Variants in CPQ observed in about 807,000 individuals in gnomAD.
CPQ encodes the protein carboxypeptidase Q.
In CPQ, 37 loss-of-function variants were observed where a neutral mutation model predicts 45.7. That is an observed-to-expected ratio of 0.81 (90% CI 0.62 to 1.07). The LOEUF is 1.07. CPQ is among the 50% of genes least tolerant of loss of function. CPQ has a pLI of 0.00. For missense variants in CPQ, 537 were observed against 572.9 expected, an observed-to-expected ratio of 0.94 and a Z score of 0.64; for synonymous variants, 186 against 205.8, an observed-to-expected ratio of 0.90 and a Z score of 0.82.
intron 2 of CPQ, among the ~76,000 whole-genome samples, chr8:96,833,959 G>A (rs954087848): frequency 1.3e-5 from 2 of 152,126 alleles, no homozygotes; most frequent in Admixed American, 1.3e-4. Context: ...TTAATATTAA[G>A]GAAATATGGA....
chr8:97,007,406 C>T (rs1809402104), intron 5 of CPQ, among the ~76,000 whole-genome samples: 2 of 152,166 alleles, frequency 1.3e-5, no homozygotes. Flanking sequence ...ATGCAAATGC[C>T]ACTAAGAACT....
rs1484579631 is a variant in CPQ, at chr8:96,766,162, AATCAGATGAGATATAGAAAAG to A, written c.-34-18701_-34-18681del. Among the ~76,000 whole-genome samples the A allele has an allele frequency of 1.6e-4, 24 of 152,300 alleles. No individual in the cohort carries two copies. The East Asian group carries it at 4.6e-3, about 29-fold the overall frequency. ...ATTTACTGGTTGCTTTTGAGGATTG[AATCAGATGAGATATAGAAAAG>A]CCCTTAGCCCAGTGCTTGCTAGGGG... On this transcript the variant is annotated intron_variant, in intron 1 of 7. Coordinates refer to ENST00000220763, the MANE Select transcript of CPQ (RefSeq NM_016134.4).
At chr8:96,981,399 T>G (rs1043526900) in intron 5 of CPQ, among the ~76,000 whole-genome samples, 2 of 152,232 alleles carry the variant, frequency 1.3e-5, no homozygotes, top group African/African-American at 4.8e-5. Context: ...GCTATATTTC[T>G]GTTCTCATCG....
intron 1 of CPQ, among the ~76,000 whole-genome samples, chr8:96,646,282 C>T (rs1229191413): frequency 1.3e-5 from 2 of 152,002 alleles, no homozygotes; most frequent in Non-Finnish European, 2.9e-5. Context: ...TTGCTTAAAA[C>T]AAAATATGCC....
intron 4 of CPQ, 83 bp downstream of exon 4, chr8:96,880,088 C>T (rs1312279117): frequency 5.1e-5 from 60 of 1,169,004 alleles, no homozygotes; most frequent in Middle Eastern, 2.0e-4. Flanking sequence ...AAAGAGAGAA[C>T]GTGAAACCAC....
chr8:97,072,022 T>A (rs1360073115), intron 7 of CPQ, among the ~76,000 whole-genome samples: 2 of 152,048 alleles, frequency 1.3e-5, no homozygotes, highest in African/African-American at 4.8e-5. Context: ...TTTTGAAGAG[T>A]GAGGAAATGT....
chr8:96,873,933 G>T (rs993913535), intron 3 of CPQ, among the ~76,000 whole-genome samples: 3 of 151,828 alleles, frequency 2.0e-5, no homozygotes, highest in Non-Finnish European at 4.4e-5. Context: ...AGTCAGAACT[G>T]CCTGACATGA....
intron 5 of CPQ, among the ~76,000 whole-genome samples, chr8:97,001,323 A>AT (rs1443372424): frequency 1.3e-5 from 2 of 151,272 alleles, no homozygotes; most frequent in African/African-American, 4.8e-5. Flanking sequence ...GTGAAATCTG[A>AT]TTTTCAAGGG....
At chr8:96,672,837 T>A (rs1157608955) in intron 1 of CPQ, among the ~76,000 whole-genome samples, 1 of 152,130 alleles carries the variant, frequency 6.6e-6, no homozygotes, top group Non-Finnish European at 1.5e-5. Flanking sequence ...GTTGTTTCTT[T>A]AAAATTTTTT....
At chr8:97,011,700 T>C (rs1009116195) in intron 5 of CPQ, among the ~76,000 whole-genome samples, 2 of 152,220 alleles carry the variant, frequency 1.3e-5, no homozygotes, top group African/African-American at 4.8e-5. Context: ...ATTACTTGCT[T>C]TGCAGAATTA....
intron 2 of CPQ, among the ~76,000 whole-genome samples, chr8:96,788,082 C>CT (rs999561596): frequency 8.4e-4 from 114 of 135,338 alleles, no homozygotes; most frequent in Middle Eastern, 4.1e-3. Flanking sequence ...TTCTTTCTTT[C>CT]TTTTTTTTTT....
chr8:97,051,022 T>G (rs555513309), intron 6 of CPQ, among the ~76,000 whole-genome samples: 75 of 152,292 alleles, frequency 4.9e-4, no homozygotes, highest in African/African-American at 1.4e-3. Context: ...GATTAATGGT[T>G]GCCAGGGTCA....
chr8:96,773,476 A>G (rs1245564608), intron 1 of CPQ, among the ~76,000 whole-genome samples: 1 of 152,180 alleles, frequency 6.6e-6, no homozygotes, highest in African/African-American at 2.4e-5. Flanking sequence ...TGGAGAAAGG[A>G]TTAAAGGGAA....
At chr8:97,069,574 A>T (rs567306717) in intron 7 of CPQ, among the ~76,000 whole-genome samples, 34 of 152,100 alleles carry the variant, frequency 2.2e-4, no homozygotes, top group Admixed American at 1.2e-3. Flanking sequence ...AAGTAAAAAT[A>T]TATCAGTTGT....
chr8:96,710,053 G>T (rs765427798), intron 1 of CPQ, among the ~76,000 whole-genome samples: 1 of 152,022 alleles, frequency 6.6e-6, no homozygotes, highest in Non-Finnish European at 1.5e-5. Context: ...AAAAATTACT[G>T]ATTCGATGTT....
At chr8:97,002,011 A>G (rs1437621274) in intron 5 of CPQ, among the ~76,000 whole-genome samples, 1 of 152,030 alleles carries the variant, frequency 6.6e-6, no homozygotes, top group Non-Finnish European at 1.5e-5. Flanking sequence ...GTATGTATCC[A>G]GGAATTTATT....
chr8:96,828,949 C>T (rs536637176), intron 2 of CPQ, among the ~76,000 whole-genome samples: 1 of 152,142 alleles, frequency 6.6e-6, no homozygotes, highest in Non-Finnish European at 1.5e-5. Flanking sequence ...TTCTAAGGAC[C>T]AGAAGCAGTC....
chr8:97,113,529 A>C (rs1022514397), intron 7 of CPQ, among the ~76,000 whole-genome samples: 4 of 152,226 alleles, frequency 2.6e-5, no homozygotes, highest in African/African-American at 9.6e-5. Flanking sequence ...CTGAATCCTC[A>C]GTTTGCAAAA....
intron 1 of CPQ, among the ~76,000 whole-genome samples, chr8:96,738,278 T>G (rs1385769519): frequency 6.6e-6 from 1 of 152,156 alleles, no homozygotes; most frequent in Admixed American, 6.5e-5. Flanking sequence ...TGTTGCTGTT[T>G]GACATATCAG....
Sources: allele counts gnomAD v4.1 joint callset (sites outside exome capture counted in the v4.1 genomes callset), GRCh38; gene constraint gnomAD v4.1.1; transcripts MANE v1.5; gene names NCBI Gene and HGNC (gene_info 2026-07-23, HGNC 2026-07-21).